Variants in TMEM14A observed in about 807,000 individuals in gnomAD.
The protein encoded by TMEM14A is transmembrane protein 14A.
Under a neutral mutation model 11.6 loss-of-function variants are expected in TMEM14A, and 8 were observed. The ratio of observed to expected loss-of-function variants is 0.69; its 90% CI spans 0.40 to 1.24. The LOEUF (loss-of-function observed/expected upper bound fraction) is 1.24. TMEM14A is among the 50% of genes most tolerant of loss of function. TMEM14A has a pLI of 0.01. For synonymous variants in TMEM14A, 34 were observed against 45.5 expected, an observed-to-expected ratio of 0.75 and a Z score of 1.02; for missense variants, 108 against 121.9, an observed-to-expected ratio of 0.89 and a Z score of 0.54.
rs545707434 is a variant in TMEM14A at position 52,681,893 on chromosome 6, C to T, written c.151C>T (p.Arg51Ter). The part of the protein sequence containing the change: ...YGAYRVSNDK[R>*]DVKVSLFTAF... Reference sequence around the variant, plus strand: ...AGCTTACCGTGTCTCCAATGACAAACGAGATGTAAAAGTGTCACTGTGTAA... The same window carrying T: ...AGCTTACCGTGTCTCCAATGACAAATGAGATGTAAAAGTGTCACTGTGTAA... Residue 51 changes from arginine to a stop codon, truncating the protein, a stop_gained, in exon 3 of 5, where the codon CGA (arginine) becomes TGA (stop). Transcript: ENST00000211314. LOFTEE classifies it high-confidence loss of function. The T allele has an allele frequency of 8.7e-6, 14 of 1,613,926 alleles. No individual in the cohort carries two copies. The highest frequency in any genetic ancestry group is 1.1e-5 in the South Asian group (1 of 91,048).
At chr6:52,680,606 T>TATATACACAC (rs1289624339) in intron 2 of TMEM14A, among the ~76,000 whole-genome samples, 26 of 130,346 alleles carry the variant, frequency 2.0e-4, no homozygotes, top group African/African-American at 6.4e-4. Context: ...TATATATATA[T>TATATACACAC]ATATATGTAT....
intron 2 of TMEM14A, among the ~76,000 whole-genome samples, chr6:52,679,020 A>G (rs999847334): frequency 6.6e-6 from 1 of 152,188 alleles, no homozygotes; most frequent in African/African-American, 2.4e-5. Context: ...CGGGACAGTT[A>G]TTGAGAATAA....
chr6:52,672,064 GCTAC>G (rs1425878395), intron 1 of TMEM14A, among the ~76,000 whole-genome samples: 1 of 152,214 alleles, frequency 6.6e-6, no homozygotes, highest in African/African-American at 2.4e-5. Flanking sequence ...AGATTAAGGG[GCTAC>G]CTGTTTCCTG....
Position 52,683,485 on chromosome 6 carries a change from A to AC in TMEM14A, c.173-593_173-592insC, listed in dbSNP as rs199587577. 7.7e-3 allele frequency among the ~76,000 whole-genome samples: 668 copies of AC among 86,684 alleles called. 7 individuals carry two copies. The highest frequency in any genetic ancestry group is 0.029 in the South Asian group (69 of 2,374). The allele number at this position is 86,684 out of a possible 152,430, so 56.9% of individuals were successfully genotyped here. Reference sequence around the variant, plus strand: ...AACAACAACAACAACAACAACAACAAAAAAAAAAAAAAGAAAAAGAAAAGG... The same window carrying AC: ...AACAACAACAACAACAACAACAACAACAAAAAAAAAAAAGAAAAAGAAAAGG... On this transcript the variant is annotated intron_variant, in intron 3 of 4. Transcript: ENST00000211314.
intron 3 of TMEM14A, 61 bp downstream of exon 3, chr6:52,681,975 C>A (rs1390022987): frequency 3.6e-6 from 5 of 1,402,098 alleles, no homozygotes; most frequent in Non-Finnish European, 5.0e-6. Flanking sequence ...CTTTTTGATA[C>A]CCTATGCTAG....
intron 1 of TMEM14A, among the ~76,000 whole-genome samples, chr6:52,675,302 C>G (rs1769236490): frequency 6.6e-6 from 1 of 152,218 alleles, no homozygotes; most frequent in Admixed American, 6.5e-5. Context: ...ACTTACCATT[C>G]CTCACATTTA....
At chr6:52,677,475 G>GA (rs1769280008) in intron 2 of TMEM14A, among the ~76,000 whole-genome samples, 1 of 79,038 alleles carries the variant, frequency 1.3e-5, no homozygotes, top group Non-Finnish European at 3.9e-5. Flanking sequence ...ATTAAATGAG[G>GA]ATTTTTTTTT....
intron 1 of TMEM14A, among the ~76,000 whole-genome samples, chr6:52,675,744 TG>T (rs1178584772): frequency 6.6e-6 from 1 of 152,234 alleles, no homozygotes; most frequent in Admixed American, 6.5e-5. Context: ...ACAAAGCCAT[TG>T]TTTAAACTGA....
At chr6:52,682,698 A>G (rs183833635) in intron 3 of TMEM14A, among the ~76,000 whole-genome samples, 288 of 151,180 alleles carry the variant, frequency 1.9e-3, no homozygotes, top group Non-Finnish European at 3.0e-3. Context: ...TAGGATTTTT[A>G]TTGATATGCA....
chr6:52,680,585 T>TTTTATATATATATA (rs1387950814), intron 2 of TMEM14A, among the ~76,000 whole-genome samples: 9 of 33,264 alleles, frequency 2.7e-4, no homozygotes, highest in East Asian at 1.7e-3. Context: ...CACTATATAT[T>TTTTATATATATATA]TATATATTTA....
At chr6:52,676,372 C>T (rs1276042561) in intron 1 of TMEM14A, among the ~76,000 whole-genome samples, 1 of 152,160 alleles carries the variant, frequency 6.6e-6, no homozygotes, top group Non-Finnish European at 1.5e-5. Flanking sequence ...CCCAACTCAG[C>T]ATCCTGAGTA....
At chr6:52,682,229 T>C (rs1359771275) in intron 3 of TMEM14A, among the ~76,000 whole-genome samples, 1 of 152,254 alleles carries the variant, frequency 6.6e-6, no homozygotes, top group Non-Finnish European at 1.5e-5. Context: ...AGTTTTTACA[T>C]TGCTGTGGAA....
At chr6:52,680,585 T>TACATA (rs1561874901) in intron 2 of TMEM14A, among the ~76,000 whole-genome samples, 1 of 33,264 alleles carries the variant, frequency 3.0e-5, no homozygotes, top group Non-Finnish European at 8.1e-5. Context: ...CACTATATAT[T>TACATA]TATATATTTA....
At chr6:52,677,378 C>T (rs956799765) in intron 2 of TMEM14A, among the ~76,000 whole-genome samples, 3 of 152,090 alleles carry the variant, frequency 2.0e-5, no homozygotes, top group African/African-American at 7.2e-5. Flanking sequence ...GGGTTCTGGG[C>T]CTCTCTTCCA....
chr6:52,680,704 T>TATATATACACACAC (rs371102796), intron 2 of TMEM14A, among the ~76,000 whole-genome samples: 30 of 51,096 alleles, frequency 5.9e-4, no homozygotes, highest in East Asian at 9.3e-4. Context: ...TATATATATA[T>TATATATACACACAC]ACACATATAT....
intron 1 of TMEM14A, among the ~76,000 whole-genome samples, chr6:52,672,541 C>G (rs937819033): frequency 6.6e-6 from 1 of 152,102 alleles, no homozygotes; most frequent in Non-Finnish European, 1.5e-5. Flanking sequence ...CCACCTCCCT[C>G]TTCCCACCGC....
chr6:52,671,452 C>G (rs1769159926), intron 1 of TMEM14A, among the ~76,000 whole-genome samples: 1 of 152,130 alleles, frequency 6.6e-6, no homozygotes, highest in Admixed American at 6.5e-5. Context: ...CGAGTTTCTG[C>G]CTTCTGGTAT....
At chr6:52,683,946 C>A in intron 3 of TMEM14A, 132 bp from the exon 4 acceptor site, 1 of 847,210 alleles carries the variant, frequency 1.2e-6, no homozygotes, top group Non-Finnish European at 1.8e-6. Flanking sequence ...TTTATCTTTT[C>A]AAGACAATGG....
At chr6:52,685,364 C>T (rs967689028) in intron 4 of TMEM14A, among the ~76,000 whole-genome samples, 4 of 152,006 alleles carry the variant, frequency 2.6e-5, no homozygotes, top group Non-Finnish European at 5.9e-5. Context: ...AAGGCTTTGG[C>T]GGGTGGATCA....
Sources: gnomAD v4.1 joint callset for allele counts (sites outside exome capture counted in the v4.1 genomes callset) on GRCh38, gnomAD v4.1.1 for gene constraint, MANE v1.5 for transcripts, NCBI Gene and HGNC (gene_info 2026-07-23, HGNC 2026-07-21) for gene names.